The following LRFN2 variants were observed in gnomAD, a reference collection of about 807,000 sequenced individuals.
The protein encoded by LRFN2 is leucine rich repeat and fibronectin type III domain containing 2, also known as leucine-rich repeat and fibronectin type-III domain-containing protein 2.
A neutral mutation model predicts 37.3 loss-of-function variants in LRFN2; 18 were observed. The observed-to-expected ratio is 0.48, with a 90% CI of 0.33 to 0.72. The LOEUF (loss-of-function observed/expected upper bound fraction) is 0.72, where lower values mean the gene tolerates loss of function less well. LRFN2 is among the 30% of genes least tolerant of loss of function. The pLI is 0.02. For synonymous variants in LRFN2, 556 were observed against 466.6 expected, an observed-to-expected ratio of 1.19 and a Z score of -2.47; for missense variants, 1,006 against 1,060.7, an observed-to-expected ratio of 0.95 and a Z score of 0.72.
chr6:40,505,341 G>A (rs1056115009), intron 1 of LRFN2, among the ~76,000 whole-genome samples: 4 of 152,140 alleles, frequency 2.6e-5, no homozygotes, highest in African/African-American at 4.8e-5. Context: ...ACATTTTCAC[G>A]TTATATCCTA....
intron 1 of LRFN2, among the ~76,000 whole-genome samples, chr6:40,554,051 C>G (rs926842893): frequency 6.6e-6 from 1 of 152,220 alleles, no homozygotes; most frequent in Non-Finnish European, 1.5e-5. Context: ...CAACCCCCTT[C>G]TTCCCCCACC....
intron 1 of LRFN2, among the ~76,000 whole-genome samples, chr6:40,524,348 G>C (rs772122327): frequency 6.6e-6 from 1 of 151,874 alleles, no homozygotes; most frequent in African/African-American, 2.4e-5. Flanking sequence ...GATGTTGAAG[G>C]TCAGCCACCT....
Position 40,437,808 on chromosome 6 carries a change from G to A in LRFN2, c.-18-4677C>T, listed in dbSNP as rs1261875484. On this transcript the variant is annotated intron_variant, in intron 1 of 2. Coordinates refer to ENST00000338305, the MANE Select transcript of LRFN2 (RefSeq NM_020737.3). ...TTGGACAAATGCTGTAAAGAGGAAC[G>A]CCAGGCCTAGTTCCCTCTAAGTATC... Among the ~76,000 whole-genome samples, 2 of 152,166 alleles carry A rather than the reference G, an allele frequency of 1.3e-5. 1 individual carries two copies. Among genetic ancestry groups the A allele is most frequent in the South Asian group, 4.1e-4 (2 of 4,834 alleles).
At chr6:40,407,541 C>T (rs556359972) in intron 2 of LRFN2, among the ~76,000 whole-genome samples, 1 of 152,232 alleles carries the variant, frequency 6.6e-6, no homozygotes, top group Non-Finnish European at 1.5e-5. Flanking sequence ...ATGGCGATGA[C>T]TACAATGATG....
chr6:40,542,756 A>G (rs757766686), intron 1 of LRFN2, among the ~76,000 whole-genome samples: 3 of 152,224 alleles, frequency 2.0e-5, no homozygotes, highest in Non-Finnish European at 4.4e-5. Context: ...AGCTCCAGCC[A>G]GAATGTGGGT....
intron 1 of LRFN2, among the ~76,000 whole-genome samples, chr6:40,546,364 G>A (rs1311383042): frequency 6.6e-6 from 1 of 152,182 alleles, no homozygotes. Context: ...TCCTTGGGAA[G>A]AAGGTGCATT....
At chr6:40,440,517 G>A (rs6911190) in intron 1 of LRFN2, among the ~76,000 whole-genome samples, 17,687 of 150,768 alleles carry the variant, frequency 0.12, 1,166 homozygotes, top group African/African-American at 0.15. Context: ...TGAATGAATG[G>A]ATGCTCCAGC....
intron 1 of LRFN2, among the ~76,000 whole-genome samples, chr6:40,520,137 T>C (rs1766014217): frequency 6.6e-6 from 1 of 152,166 alleles, no homozygotes. Flanking sequence ...GGATTTTACG[T>C]AATCTAGTGA....
At position 40,392,026 on chromosome 6, in the gene LRFN2, G is replaced by A. The variant is rs971746653; in HGVS notation, c.2287C>T (p.Leu763Phe). The A allele has an allele frequency of 6.2e-7, 1 of 1,613,692 alleles. No homozygotes were observed. The highest frequency in any genetic ancestry group is 8.5e-7 in the Non-Finnish European group (1 of 1,179,844). ...AGGTCACTCTCCTCAAAGGGCAAGA[G>A]CATGCCGTTGACAGAGAGGCTGCGC... The part of the protein sequence containing the change: ...TKRSLSVNGM[L>F]LPFEESDLVG... Residue 763 changes from leucine to phenylalanine, a missense_variant, in exon 3 of 3, where the codon CTC becomes TTC. Leu to Phe is a conservative substitution (Grantham distance 22). This residue lies in a region of LRFN2 where 398 missense variants were observed against 327.6 expected (regional missense o/e 1.21). Transcript: ENST00000338305. The surrounding 1 kb of genome is among the most constrained non-coding windows in gnomAD (Gnocchi z 4.7).
chr6:40,453,345 G>A (rs567168081), intron 1 of LRFN2, among the ~76,000 whole-genome samples: 1 of 152,074 alleles, frequency 6.6e-6, no homozygotes, highest in Non-Finnish European at 1.5e-5. Context: ...GCACAATGTG[G>A]GGGATAGATG....
chr6:40,480,379 G>T (rs181300278), intron 1 of LRFN2, among the ~76,000 whole-genome samples: 1 of 152,226 alleles, frequency 6.6e-6, no homozygotes, highest in Admixed American at 6.5e-5. Context: ...CCTGGGCTCA[G>T]ATGATCCTCC....
intron 1 of LRFN2, among the ~76,000 whole-genome samples, chr6:40,496,977 C>T (rs1409969982): frequency 2.0e-5 from 3 of 152,138 alleles, no homozygotes; most frequent in African/African-American, 7.2e-5. Context: ...GGTTCTCATA[C>T]CCAACACACC....
intron 1 of LRFN2, among the ~76,000 whole-genome samples, chr6:40,492,655 C>T (rs1412308878): frequency 1.3e-5 from 2 of 152,160 alleles, no homozygotes; most frequent in African/African-American, 4.8e-5. Flanking sequence ...TGCAACAGCC[C>T]TGTTCTCAGG....
At chr6:40,565,258 T>C (rs1767067537) in intron 1 of LRFN2, among the ~76,000 whole-genome samples, 1 of 152,094 alleles carries the variant, frequency 6.6e-6, no homozygotes, top group African/African-American at 2.4e-5. Context: ...TGGAAGAACA[T>C]TCCATGCTCA....
intron 1 of LRFN2, among the ~76,000 whole-genome samples, chr6:40,547,047 A>G (rs1265479992): frequency 1.3e-5 from 2 of 152,096 alleles, no homozygotes; most frequent in Non-Finnish European, 2.9e-5. Context: ...TGCAGCTATC[A>G]TATTTTACGG....
At chr6:40,478,085 G>A (rs73732680) in intron 1 of LRFN2, among the ~76,000 whole-genome samples, 2,048 of 152,218 alleles carry the variant, frequency 0.013, 56 homozygotes, top group African/African-American at 0.046. Flanking sequence ...CGGCACCAGG[G>A]GATGTAATGT....
chr6:40,515,889 T>C (rs1765853816), intron 1 of LRFN2, among the ~76,000 whole-genome samples: 1 of 61,012 alleles, frequency 1.6e-5, no homozygotes, highest in Non-Finnish European at 2.8e-5. Context: ...TGAGACTCCA[T>C]ATCAAAAAAA....
At chr6:40,485,079 T>C (rs1764922657) in intron 1 of LRFN2, among the ~76,000 whole-genome samples, 1 of 152,246 alleles carries the variant, frequency 6.6e-6, no homozygotes, top group Non-Finnish European at 1.5e-5. Flanking sequence ...AGAAAGATCA[T>C]TAACCTACTT....
chr6:40,430,563 C>T (rs974588984), intron 2 of LRFN2, among the ~76,000 whole-genome samples: 3 of 152,240 alleles, frequency 2.0e-5, no homozygotes, highest in African/African-American at 7.2e-5. Flanking sequence ...TATAAGGGAA[C>T]TCATCTGTGG....
Sources: allele counts gnomAD v4.1 joint callset (sites outside exome capture counted in the v4.1 genomes callset), GRCh38; gene constraint gnomAD v4.1.1; regional missense constraint gnomAD v4.1.1; non-coding constraint Gnocchi (gnomAD v3.1); transcripts MANE v1.5; gene names NCBI Gene and HGNC (gene_info 2026-07-23, HGNC 2026-07-21).